Variants in RAB10 observed in about 807,000 individuals in gnomAD.
The protein encoded by RAB10 is RAB10, member RAS oncogene family, also known as ras-related protein Rab-10.
In RAB10, 5 loss-of-function variants were observed where a neutral mutation model predicts 25.7. The observed-to-expected ratio is 0.19, with a 90% CI of 0.10 to 0.41. RAB10 has a LOEUF of 0.41. Among genes scored for constraint, RAB10 ranks in the 10% least tolerant of loss-of-function variants. The pLI is 1.00. For synonymous variants in RAB10, 89 were observed against 86.4 expected (o/e 1.03, Z -0.16); for missense variants, 103 against 245.8 (o/e 0.42, Z 3.89).
intron 2 of RAB10, among the ~76,000 whole-genome samples, chr2:26,100,564 A>G (rs1237119283): frequency 1.3e-5 from 2 of 152,178 alleles, no homozygotes; most frequent in African/African-American, 2.4e-5. Context: ...GAAGCTGTGT[A>G]CTCTGGCTGT....
At chr2:26,047,142 T>G (rs6732032) in intron 1 of RAB10, among the ~76,000 whole-genome samples, 5,137 of 152,302 alleles carry the variant, frequency 0.034, 291 homozygotes, top group African/African-American at 0.12. Flanking sequence ...CATAGGTTCA[T>G]GTATCCACCA....
At chr2:26,050,693 G>A (rs1666111787) in intron 1 of RAB10, among the ~76,000 whole-genome samples, 1 of 152,030 alleles carries the variant, frequency 6.6e-6, no homozygotes, top group South Asian at 2.1e-4. Context: ...GTTTGTGACA[G>A]CCTTACTGCA....
intron 1 of RAB10, among the ~76,000 whole-genome samples, chr2:26,048,265 C>T (rs769542714): frequency 1.2e-4 from 19 of 152,252 alleles, no homozygotes; most frequent in Non-Finnish European, 1.6e-4. Context: ...TTGCATGTTT[C>T]GTTTTATAAG....
chr2:26,086,017 A>T lies in RAB10; in HGVS notation c.128-12645A>T, dbSNP rs4665818. The stretch of plus-strand genomic sequence containing the variant: ...TGTCTCCAAAAAAAAAAAAAAAAAA[A>T]GGGGGGGGGCAAAGGGGCCCGATGC... On this transcript the variant is annotated intron_variant, in intron 1 of 5. Coordinates refer to ENST00000264710, the MANE Select transcript of RAB10 (RefSeq NM_016131.5). 4.6e-3 allele frequency among the ~76,000 whole-genome samples: 331 copies of T among 71,478 alleles called. 1 individual carries two copies. In the Middle Eastern group the frequency reaches 0.056, roughly 12 times the overall value. 46.9% of individuals were successfully genotyped at this position (71,478 alleles called of 152,430 possible). A position where few individuals can be genotyped will look rare whatever the true frequency, so the allele number is the denominator to read the frequency against.
chr2:26,104,590 A>G (rs1167807440), intron 2 of RAB10, among the ~76,000 whole-genome samples: 2 of 151,926 alleles, frequency 1.3e-5, no homozygotes, highest in African/African-American at 4.8e-5. Context: ...CGTCCCATTT[A>G]CCTGTTTTTT....
At chr2:26,053,379 C>T (rs891754938) in intron 1 of RAB10, among the ~76,000 whole-genome samples, 4 of 152,108 alleles carry the variant, frequency 2.6e-5, no homozygotes, top group Non-Finnish European at 5.9e-5. Context: ...AGCTGATTTA[C>T]TTGGGGGGAA....
At chr2:26,133,763 T>C (rs1425567600) in intron 5 of RAB10, among the ~76,000 whole-genome samples, 1 of 152,074 alleles carries the variant, frequency 6.6e-6, no homozygotes, top group African/African-American at 2.4e-5. Flanking sequence ...AACCTCTGCC[T>C]CCCGAGTTCA....
intron 1 of RAB10, among the ~76,000 whole-genome samples, chr2:26,058,738 G>C (rs1023002182): frequency 3.9e-5 from 6 of 152,162 alleles, no homozygotes; most frequent in African/African-American, 1.4e-4. Flanking sequence ...TACTTAACTT[G>C]TGTGGCATAT....
At chr2:26,051,199 A>G (rs1666125187) in intron 1 of RAB10, among the ~76,000 whole-genome samples, 1 of 152,098 alleles carries the variant, frequency 6.6e-6, no homozygotes, top group South Asian at 2.1e-4. Context: ...GGCCTCCCAG[A>G]GTGCTGGGAT....
chr2:26,046,218 G>A (rs780361373), intron 1 of RAB10, among the ~76,000 whole-genome samples: 46 of 152,088 alleles, frequency 3.0e-4, no homozygotes, highest in Non-Finnish European at 6.0e-4. Flanking sequence ...CCAGCTACTC[G>A]GGAGGCTGAG....
chr2:26,098,122 T>C (rs1295662518), intron 1 of RAB10, among the ~76,000 whole-genome samples: 11 of 131,452 alleles, frequency 8.4e-5, no homozygotes, highest in Admixed American at 7.8e-4. Flanking sequence ...TTTTTTTTTT[T>C]TTTTTTTTTT....
At chr2:26,084,036 A>G (rs1304789191) in intron 1 of RAB10, among the ~76,000 whole-genome samples, 1 of 152,232 alleles carries the variant, frequency 6.6e-6, no homozygotes, top group Admixed American at 6.5e-5. Flanking sequence ...GAAGGCTCAC[A>G]TCACTCTGCT....
chr2:26,098,439 CA>C, intron 1 of RAB10: 1 of 467,064 alleles, frequency 2.1e-6, no homozygotes, highest in South Asian at 2.4e-5. Context: ...ATGCCCAGCC[CA>C]AAACTTGGTC....
chr2:26,042,315 G>A (rs765458568), intron 1 of RAB10, among the ~76,000 whole-genome samples: 18 of 152,188 alleles, frequency 1.2e-4, no homozygotes, highest in Non-Finnish European at 1.8e-4. Flanking sequence ...GGAAGAGTAG[G>A]TTGGTTCCAC....
intron 1 of RAB10, among the ~76,000 whole-genome samples, chr2:26,084,558 C>T (rs915908364): frequency 1.3e-5 from 2 of 152,092 alleles, no homozygotes; most frequent in Non-Finnish European, 2.9e-5. Flanking sequence ...ACATGGTATA[C>T]CAAGTACATT....
chr2:26,060,495 T>C (rs537269600), intron 1 of RAB10, among the ~76,000 whole-genome samples: 1 of 152,232 alleles, frequency 6.6e-6, no homozygotes, highest in East Asian at 1.9e-4. Flanking sequence ...GGTTTCACCG[T>C]GTTAGCCAGG....
At chr2:26,044,989 G>A (rs1574525170) in intron 1 of RAB10, among the ~76,000 whole-genome samples, 1 of 148,862 alleles carries the variant, frequency 6.7e-6, no homozygotes, top group Non-Finnish European at 1.5e-5. Flanking sequence ...CTGTGGTTTT[G>A]TTTTTGTTTT....
In RAB10 at chr2:26,123,495, C is replaced by T. The variant is rs141944644; in HGVS notation, c.328-3649C>T. Among the ~76,000 whole-genome samples the T allele has an allele frequency of 4.0e-3, 616 of 152,240 alleles. 6 individuals are homozygous for T. Among genetic ancestry groups the T allele is most frequent in the Admixed American group, 5.3e-3 (81 of 15,288 alleles). On this transcript the variant is annotated intron_variant, in intron 3 of 5. Transcript: ENST00000264710. Reference sequence around the variant, plus strand: ...CTTCCTGCTGGAGAAAACTGTGTACCGATGTTGAGCATGATTTCACAGGAT... The same window carrying T: ...CTTCCTGCTGGAGAAAACTGTGTACTGATGTTGAGCATGATTTCACAGGAT...
At chr2:26,098,551 TCAAA>T (rs1433416121) in intron 1 of RAB10, 107 bp from the exon 2 acceptor site, 33 of 776,016 alleles carry the variant, frequency 4.3e-5, no homozygotes, top group African/African-American at 1.2e-4. Flanking sequence ...ATATCTGGAA[TCAAA>T]CAAACACAGA....
Sources: allele counts gnomAD v4.1 joint callset (sites outside exome capture counted in the v4.1 genomes callset), GRCh38; gene constraint gnomAD v4.1.1; transcripts MANE v1.5; gene names NCBI Gene and HGNC (gene_info 2026-07-23, HGNC 2026-07-21).